The following GSPT1 variants were observed in gnomAD, a reference collection of about 807,000 sequenced individuals.
GSPT1 encodes eukaryotic peptide chain release factor GTP-binding subunit ERF3A.
GSPT1 carries 20 observed loss-of-function variants against 72.5 expected under a neutral mutation model. That is an observed-to-expected ratio of 0.28 (90% CI 0.19 to 0.40). The LOEUF is 0.40. GSPT1 is among the 10% of genes least tolerant of loss of function. The probability of loss-of-function intolerance (pLI) is 1.00; values close to 1 mark genes in which losing one functional copy is unlikely to be tolerated. For missense variants in GSPT1, 580 were observed against 811.9 expected (o/e 0.71, Z 3.47); for synonymous variants, 334 against 293.5 (o/e 1.14, Z -1.41).
intron 6 of GSPT1, among the ~76,000 whole-genome samples, chr16:11,888,699 T>C (rs1045924659): frequency 6.6e-6 from 1 of 151,860 alleles, no homozygotes; most frequent in South Asian, 2.1e-4. Flanking sequence ...GAGGCGGAGG[T>C]TGCAGTGAGC....
rs373539326 is a variant in GSPT1, at chr16:11,896,702, A to T, written c.520T>A (p.Ser174Thr). 3 of 1,607,850 alleles carry T rather than the reference A, an allele frequency of 1.9e-6. No individual in the cohort carries two copies. The highest frequency in any genetic ancestry group is 2.5e-6 in the Non-Finnish European group (3 of 1,177,036). ...TCTGGCGGCCTTCCATCTCCCAAGG[A>T]ACCACCCCCTGGCTCTGCTTCACTT... ...EISEAEPGGG[S>T]LGDGRPPEES... is the part of the protein sequence containing the mutation. The change falls in exon 4 of 15, where the codon TCC (serine) becomes ACC (threonine). Residue 174 changes from serine to threonine, a missense_variant. Ser to Thr is a moderately conservative substitution (Grantham distance 58, BLOSUM62 1). This residue lies in a region of GSPT1 where 327 missense variants were observed against 298.8 expected (regional missense o/e 1.09). Transcript: ENST00000434724.
At chr16:11,897,145 G>A (rs770460609) in intron 3 of GSPT1, among the ~76,000 whole-genome samples, 5 of 152,132 alleles carry the variant, frequency 3.3e-5, no homozygotes, top group Non-Finnish European at 5.9e-5. Context: ...GTTTAAAATC[G>A]TGACACACGA....
At chr16:11,912,486 C>T (rs1160122393) in intron 1 of GSPT1, among the ~76,000 whole-genome samples, 5 of 152,174 alleles carry the variant, frequency 3.3e-5, no homozygotes, top group Admixed American at 1.3e-4. Context: ...GGAGACAGTG[C>T]CTCCTCCAAG....
intron 5 of GSPT1, among the ~76,000 whole-genome samples, chr16:11,893,174 C>G (rs1329646751): frequency 1.3e-5 from 2 of 151,914 alleles, no homozygotes; most frequent in South Asian, 4.2e-4. Context: ...GTAGGAGGAT[C>G]AGTTGAGCAC....
chr16:11,895,159 G>A (rs1324966738), intron 4 of GSPT1, 172 bp from the exon 5 acceptor site: 15 of 527,840 alleles, frequency 2.8e-5, no homozygotes, highest in South Asian at 1.7e-4. Flanking sequence ...GGCTGGGCTC[G>A]GTGGCTCACG....
In GSPT1 at chr16:11,887,690, T is replaced by C. The variant is rs774928943; in HGVS notation, c.837A>G (p.Glu279=). 1.9e-6 allele frequency: 3 copies of C among 1,613,320 alleles called. No individual in the cohort carries two copies. The highest frequency in any genetic ancestry group is 2.2e-5 in the East Asian group (1 of 44,870). The change falls in exon 7 of 15, where the codon GAA becomes GAG. Residue 279 remains glutamate (E), a synonymous_variant. Transcript: ENST00000434724. ...CGGTTTCAAAATAGGCACGACCCAC[T>C]TCTACTGTTTTACCCTTGTCTCGTT... ...QEERDKGKTV[E]VGRAYFETEK...
At chr16:11,900,105 G>C (rs141383013) in intron 1 of GSPT1, among the ~76,000 whole-genome samples, 3 of 151,926 alleles carry the variant, frequency 2.0e-5, no homozygotes, top group Non-Finnish European at 4.4e-5. Context: ...AGGCGGAAGC[G>C]GGGGGATCAT....
chr16:11,912,203 C>A (rs749994809), intron 1 of GSPT1, among the ~76,000 whole-genome samples: 5 of 151,734 alleles, frequency 3.3e-5, no homozygotes, highest in Non-Finnish European at 5.9e-5. Context: ...CACAAAATAG[C>A]TGGGCATGAT....
In GSPT1 at chr16:11,896,608, G is replaced by A. The variant is rs1248820643; in HGVS notation, c.614C>T (p.Pro205Leu). ...IPKPKSVVAP[P>L]GAPKKEHVNV... ...TACATGCTCTTTCTTAGGAGCACCTGGCGGTGCAACCACAGACTTAGGTTT... is the reference window on the plus strand; with the variant it reads ...TACATGCTCTTTCTTAGGAGCACCTAGCGGTGCAACCACAGACTTAGGTTT... The change falls in exon 4 of 15, where the codon CCA (proline) becomes CTA (leucine). Residue 205 changes from proline to leucine, a missense_variant. Coordinates refer to ENST00000434724, the MANE Select transcript of GSPT1 (RefSeq NM_002094.4). 1.2e-6 allele frequency: 2 copies of A among 1,609,158 alleles called. No homozygotes were observed. The highest frequency in any genetic ancestry group is 1.7e-6 in the Non-Finnish European group (2 of 1,177,492).
At chr16:11,901,850 C>T (rs903370976) in intron 1 of GSPT1, among the ~76,000 whole-genome samples, 4 of 151,438 alleles carry the variant, frequency 2.6e-5, no homozygotes, top group Admixed American at 6.6e-5. Flanking sequence ...AATCCCAGCA[C>T]TTCTGGAGGT....
At chr16:11,874,242 C>G (rs2054011163) in intron 14 of GSPT1, among the ~76,000 whole-genome samples, 1 of 151,950 alleles carries the variant, frequency 6.6e-6, no homozygotes, top group African/African-American at 2.4e-5. Flanking sequence ...GAATTACATA[C>G]TTAAAACAGG....
At chr16:11,897,078 C>T (rs1308336747) in intron 3 of GSPT1, among the ~76,000 whole-genome samples, 3 of 152,222 alleles carry the variant, frequency 2.0e-5, no homozygotes, top group African/African-American at 4.8e-5. Flanking sequence ...TTCTAACATT[C>T]CCAACAGCCT....
intron 11 of GSPT1, chr16:11,881,228 T>C (rs1330775181): frequency 1.3e-5 from 2 of 152,200 alleles, no homozygotes; most frequent in African/African-American, 4.8e-5. Flanking sequence ...TCTAGCTCTG[T>C]TCCACTGAGA....
chr16:11,914,919 G>A, intron 1 of GSPT1: 2 of 897,068 alleles, frequency 2.2e-6, no homozygotes, highest in Admixed American at 4.8e-5. Flanking sequence ...CGCTCTCTCG[G>A]CTGGGCCTAA....
chr16:11,911,820 G>C (rs1179991928), intron 1 of GSPT1, among the ~76,000 whole-genome samples: 2 of 144,594 alleles, frequency 1.4e-5, no homozygotes, highest in African/African-American at 2.5e-5. Context: ...CCAAAGTGCT[G>C]GGATTACAGG....
chr16:11,913,519 A>G (rs993750644), intron 1 of GSPT1, among the ~76,000 whole-genome samples: 2 of 152,350 alleles, frequency 1.3e-5, no homozygotes, highest in African/African-American at 2.4e-5. Context: ...GAAAGCCCGC[A>G]TAAGAGGTAA....
intron 14 of GSPT1, among the ~76,000 whole-genome samples, chr16:11,874,014 C>CTAGT (rs2054008873): frequency 1.3e-5 from 2 of 152,160 alleles, no homozygotes; most frequent in African/African-American, 4.8e-5. Flanking sequence ...ACCTCAAAAT[C>CTAGT]ACACTAAGTA....
chr16:11,905,105 C>A lies in GSPT1; in HGVS notation c.353-7070G>T, dbSNP rs143967369. ...CAAAACACAGGCATCCTGAGTGAAA[C>A]TGTAGTTTTGTTAGCCAAATGGGTG... On this transcript the variant is annotated intron_variant, in intron 1 of 14. Transcript: ENST00000434724. 6.5e-3 allele frequency among the ~76,000 whole-genome samples: 997 copies of A among 152,254 alleles called. 13 individuals carry two copies. Among genetic ancestry groups the A allele is most frequent in the African/African-American group, 0.022 (915 of 41,540 alleles).
chr16:11,901,005 CAA>C (rs1191111918), intron 1 of GSPT1, among the ~76,000 whole-genome samples: 128 of 150,764 alleles, frequency 8.5e-4, no homozygotes, highest in African/African-American at 1.1e-3. Flanking sequence ...AAAAGAAAAA[CAA>C]AAAACAAAAA....
Sources: allele counts gnomAD v4.1 joint callset (sites outside exome capture counted in the v4.1 genomes callset), GRCh38; gene constraint gnomAD v4.1.1; regional missense constraint gnomAD v4.1.1; transcripts MANE v1.5; gene names NCBI Gene and HGNC (gene_info 2026-07-23, HGNC 2026-07-21).